The following AMBRA1 variants were observed in gnomAD, a reference collection of about 807,000 sequenced individuals.
AMBRA1 encodes activating molecule in BECN1-regulated autophagy protein 1.
A neutral mutation model predicts 125.4 loss-of-function variants in AMBRA1; 47 were observed. That is an observed-to-expected ratio of 0.37 (90% CI 0.30 to 0.48). The LOEUF (loss-of-function observed/expected upper bound fraction) is 0.48. Ranked by LOEUF, AMBRA1 falls within the 20% of genes least tolerant of loss-of-function variation. The pLI, the probability that AMBRA1 is intolerant of heterozygous loss-of-function variation, is 0.99. For synonymous variants in AMBRA1, 626 were observed against 655.5 expected (o/e 0.95, Z 0.69); for missense variants, 1,331 against 1,693.4 (o/e 0.79, Z 3.76).
chr11:46,448,307 C>T (rs1227964641), intron 11 of AMBRA1, among the ~76,000 whole-genome samples: 1 of 152,282 alleles, frequency 6.6e-6, no homozygotes, highest in South Asian at 2.1e-4. Flanking sequence ...AAAAAGATAA[C>T]TGGAAAATCC....
chr11:46,580,977 A>G (rs2044149222), intron 1 of AMBRA1, among the ~76,000 whole-genome samples: 1 of 151,938 alleles, frequency 6.6e-6, no homozygotes, highest in African/African-American at 2.4e-5. Flanking sequence ...TACTTTTTGT[A>G]GAGATGGGAT....
At chr11:46,507,304 C>T (rs747820262) in intron 9 of AMBRA1, among the ~76,000 whole-genome samples, 82 of 150,398 alleles carry the variant, frequency 5.5e-4, no homozygotes, top group Non-Finnish European at 1.0e-3. Flanking sequence ...ATGGTGAAAC[C>T]CCATCTCTAC....
chr11:46,564,856 A>C (rs527830979), intron 1 of AMBRA1, among the ~76,000 whole-genome samples: 28 of 152,354 alleles, frequency 1.8e-4, no homozygotes, highest in African/African-American at 6.5e-4. Flanking sequence ...TCATCAGATG[A>C]GACAAGGAAA....
intron 7 of AMBRA1, among the ~76,000 whole-genome samples, chr11:46,525,577 C>A (rs1340829822): frequency 1.3e-5 from 2 of 152,038 alleles, no homozygotes; most frequent in African/African-American, 4.8e-5. Flanking sequence ...ACGGTGAAAC[C>A]CTGTCCCTAT....
intron 11 of AMBRA1, among the ~76,000 whole-genome samples, chr11:46,456,256 G>A (rs550934531): frequency 2.6e-4 from 39 of 152,198 alleles, no homozygotes; most frequent in African/African-American, 7.9e-4. Context: ...TCTAGCATTC[G>A]CTCCCACCAG....
At chr11:46,567,080 T>C (rs1266091667) in intron 1 of AMBRA1, among the ~76,000 whole-genome samples, 2 of 152,124 alleles carry the variant, frequency 1.3e-5, no homozygotes, top group African/African-American at 2.4e-5. Flanking sequence ...GTTTGTTTGT[T>C]TGTTTGTTTG....
chr11:46,525,039 C>T (rs2135107897), intron 7 of AMBRA1, among the ~76,000 whole-genome samples: 1 of 152,352 alleles, frequency 6.6e-6, no homozygotes. Flanking sequence ...ATGTCTCATG[C>T]CTGTAATCCC....
At chr11:46,428,682 CA>C in intron 14 of AMBRA1, 1 of 1,601,726 alleles carries the variant, frequency 6.2e-7, no homozygotes. Context: ...CGTCCACGAC[CA>C]AATCCGCCTC....
In AMBRA1 at chr11:46,466,842, T is replaced by G. The variant is rs78271057; in HGVS notation, c.2522-23244A>C. On this transcript the variant is annotated intron_variant, in intron 11 of 17. Transcript: ENST00000683756. ...TTTCTGTTCTCCAGAGGCAATCACT[T>G]TTCAAACCTTTTTTTTCTTCTGATA... Among the ~76,000 whole-genome samples, 1,154 of 152,228 alleles carry G rather than the reference T, an allele frequency of 7.6e-3. 5 individuals are homozygous for G. The highest frequency in any genetic ancestry group is 0.013 in the Non-Finnish European group (873 of 68,012).
Position 46,543,823 on chromosome 11 carries a change from C to A in AMBRA1, c.618+152G>T, listed in dbSNP as rs937785994. 4 of 692,450 alleles carry A rather than the reference C, an allele frequency of 5.8e-6. No individual in the cohort carries two copies. The East Asian group carries it at 1.1e-4, about 19-fold the overall frequency. 42.9% of individuals were successfully genotyped at this position (692,450 alleles called of 1,614,324 possible). ...TCCTGTCAAGATTATGGCTATAACC[C>A]TGAATATACAGTCTGAAGCTAGCTT... On this transcript the variant is annotated intron_variant, in intron 6 of 17. Coordinates refer to ENST00000683756, the MANE Select transcript of AMBRA1 (RefSeq NM_001387011.1).
At chr11:46,533,956 A>C (rs1271113212) in intron 7 of AMBRA1, among the ~76,000 whole-genome samples, 1 of 151,492 alleles carries the variant, frequency 6.6e-6, no homozygotes, top group Non-Finnish European at 1.5e-5. Context: ...TCCTCTGTCT[A>C]AAATGTCCTT....
At chr11:46,585,417 C>T (rs1004079590) in intron 1 of AMBRA1, among the ~76,000 whole-genome samples, 11 of 150,192 alleles carry the variant, frequency 7.3e-5, no homozygotes, top group African/African-American at 2.7e-4. Flanking sequence ...CTTGTAATCC[C>T]AGCACTTTGG....
At chr11:46,558,344 T>C (rs144986385) in intron 1 of AMBRA1, among the ~76,000 whole-genome samples, 1 of 151,472 alleles carries the variant, frequency 6.6e-6, no homozygotes, top group Non-Finnish European at 1.5e-5. Context: ...AGGTCAGGAG[T>C]GCGAGACCAG....
At chr11:46,529,985 G>C (rs925237404) in intron 7 of AMBRA1, among the ~76,000 whole-genome samples, 7 of 152,156 alleles carry the variant, frequency 4.6e-5, no homozygotes, top group African/African-American at 1.7e-4. Context: ...GATGCTACCT[G>C]CACAGTTCTA....
chr11:46,543,511 T>C (rs1952854714), intron 6 of AMBRA1, 113 bp from the exon 7 acceptor site: 7 of 1,380,638 alleles, frequency 5.1e-6, no homozygotes, highest in East Asian at 4.7e-5. Context: ...ACAATGTTCA[T>C]AGGTAGGAAA....
intron 9 of AMBRA1, among the ~76,000 whole-genome samples, chr11:46,505,601 A>G (rs566583993): frequency 1.3e-5 from 2 of 151,844 alleles, no homozygotes; most frequent in East Asian, 3.9e-4. Context: ...AGACCCCCTG[A>G]GAAAAAACAG....
chr11:46,570,583 C>T (rs1375018575), intron 1 of AMBRA1, among the ~76,000 whole-genome samples: 1 of 152,146 alleles, frequency 6.6e-6, no homozygotes, highest in Non-Finnish European at 1.5e-5. Context: ...CCACTCCACT[C>T]CCATTTTACA....
intron 1 of AMBRA1, among the ~76,000 whole-genome samples, chr11:46,590,667 T>C (rs2044564382): frequency 6.6e-6 from 1 of 151,968 alleles, no homozygotes; most frequent in African/African-American, 2.4e-5. Context: ...CGTCCAGTTT[T>C]TAAAGGAAAT....
intron 1 of AMBRA1, among the ~76,000 whole-genome samples, chr11:46,554,879 A>G (rs2043117904): frequency 6.6e-6 from 1 of 152,172 alleles, no homozygotes; most frequent in Non-Finnish European, 1.5e-5. Flanking sequence ...CCCAAAATCA[A>G]TTCTCAATCA....
Sources: allele counts gnomAD v4.1 joint callset (sites outside exome capture counted in the v4.1 genomes callset), GRCh38; gene constraint gnomAD v4.1.1; transcripts MANE v1.5; gene names NCBI Gene and HGNC (gene_info 2026-07-23, HGNC 2026-07-21).